The following ME2 variants were observed in gnomAD, a reference collection of about 807,000 sequenced individuals.
ME2 encodes the protein malic enzyme 2, also known as NAD-dependent malic enzyme, mitochondrial.
In ME2, 60 loss-of-function variants were observed where a neutral mutation model predicts 73.7. That is an observed-to-expected ratio of 0.81 (90% confidence interval 0.66 to 1.01). ME2 has a LOEUF of 1.01. Among genes scored for constraint, ME2 ranks in the 50% least tolerant of loss-of-function variants. The pLI, the probability that ME2 is intolerant of heterozygous loss-of-function variation, is 0.00. For missense variants in ME2, 594 were observed against 705.5 expected, an observed-to-expected ratio of 0.84 and a Z score of 1.79; for synonymous variants, 199 against 236.9, an observed-to-expected ratio of 0.84 and a Z score of 1.47.
chr18:50,908,427 G>A (rs1402318622), intron 3 of ME2, among the ~76,000 whole-genome samples: 3 of 152,118 alleles, frequency 2.0e-5, no homozygotes, highest in Non-Finnish European at 4.4e-5. Context: ...AGCAATTCAG[G>A]TTTGAATGGA....
intron 6 of ME2, 132 bp downstream of exon 6, chr18:50,917,640 TTTAATATTTATATAAATAATAGTAAA>T: frequency 2.0e-6 from 1 of 506,072 alleles, no homozygotes; most frequent in African/African-American, 2.0e-5. Context: ...AAACTCCACT[TTTAATATTTATATAAATAATAGTAAA>T]TTAAGTCTAT....
At chr18:50,922,938 GTCT>G (rs757313141) in intron 10 of ME2, among the ~76,000 whole-genome samples, 6 of 152,172 alleles carry the variant, frequency 3.9e-5, no homozygotes, top group Non-Finnish European at 8.8e-5. Context: ...TTTTTCAGAA[GTCT>G]TCTTTTTTAC....
intron 1 of ME2, among the ~76,000 whole-genome samples, chr18:50,885,574 T>G (rs2144179456): frequency 6.6e-6 from 1 of 152,006 alleles, no homozygotes; most frequent in South Asian, 2.1e-4. Context: ...ATTTAAATGG[T>G]TTTTTTTCAT....
chr18:50,922,329 G>A (rs1011750669), intron 10 of ME2, among the ~76,000 whole-genome samples: 2 of 152,288 alleles, frequency 1.3e-5, no homozygotes, highest in East Asian at 1.9e-4. Context: ...TTAAAAGGTC[G>A]AGGGAGTTTT....
At chr18:50,938,986 A>T (rs904767275) in intron 13 of ME2, 1 of 152,152 alleles carries the variant, frequency 6.6e-6, no homozygotes, top group Non-Finnish European at 1.5e-5. Context: ...TTGAATATTG[A>T]TTGAACCACA....
chr18:50,937,076 A>T (rs1424753231), intron 13 of ME2, among the ~76,000 whole-genome samples: 1 of 152,226 alleles, frequency 6.6e-6, no homozygotes, highest in African/African-American at 2.4e-5. Flanking sequence ...AAAGCAAGAA[A>T]AAAGAGGAAA....
intron 1 of ME2, among the ~76,000 whole-genome samples, chr18:50,883,631 G>A (rs1916380384): frequency 6.6e-6 from 1 of 152,188 alleles, no homozygotes; most frequent in Non-Finnish European, 1.5e-5. Context: ...GGGAGGCCGA[G>A]GCGGGCGGAT....
intron 2 of ME2, among the ~76,000 whole-genome samples, chr18:50,898,643 T>C (rs1276820182): frequency 6.6e-6 from 1 of 152,128 alleles, no homozygotes; most frequent in African/African-American, 2.4e-5. Flanking sequence ...ATGTTGTCTA[T>C]GCTGGTTTTG....
chr18:50,920,429 A>G, intron 7 of ME2, 27 bp from the exon 8 acceptor site: 1 of 1,437,658 alleles, frequency 7.0e-7, no homozygotes, highest in Non-Finnish European at 9.6e-7. Context: ...TTTTCAACAC[A>G]ACTATTGTGG....
At chr18:50,931,902 C>G (rs1413302207) in intron 12 of ME2, among the ~76,000 whole-genome samples, 3 of 152,196 alleles carry the variant, frequency 2.0e-5, no homozygotes, top group East Asian at 3.9e-4. Context: ...CAGGCCATCT[C>G]AAACTCCTGG....
At chr18:50,890,973 GATAAA>G in intron 1 of ME2, among the ~76,000 whole-genome samples, 1 of 152,298 alleles carries the variant, frequency 6.6e-6, no homozygotes, top group East Asian at 1.9e-4. Context: ...AGGTACTGAA[GATAAA>G]CGTATGTACC....
At chr18:50,897,444 G>A (rs1050806038) in intron 2 of ME2, among the ~76,000 whole-genome samples, 20 of 152,104 alleles carry the variant, frequency 1.3e-4, no homozygotes, top group African/African-American at 4.6e-4. Flanking sequence ...AAATAATGTC[G>A]GCCAGGCACA....
intron 1 of ME2, among the ~76,000 whole-genome samples, chr18:50,880,122 G>A (rs1916277746): frequency 6.6e-6 from 1 of 152,190 alleles, no homozygotes; most frequent in African/African-American, 2.4e-5. Context: ...TAGTGTTGCA[G>A]TTGATAACGA....
At chr18:50,946,900 C>T (rs2144278480) in intron 15 of ME2, 117 bp from the exon 16 acceptor site, 2 of 751,606 alleles carry the variant, frequency 2.7e-6, no homozygotes, top group East Asian at 2.6e-5. Context: ...TTATTTTTTA[C>T]TGTGAAAAAA....
At chr18:50,887,775 C>A (rs959625729) in intron 1 of ME2, among the ~76,000 whole-genome samples, 1 of 152,118 alleles carries the variant, frequency 6.6e-6, no homozygotes, top group Admixed American at 6.5e-5. Context: ...GTGTATGGGA[C>A]CACCATCAAA....
chr18:50,900,264 G>A (rs1311002107), intron 2 of ME2, among the ~76,000 whole-genome samples: 3 of 141,512 alleles, frequency 2.1e-5, no homozygotes, highest in Non-Finnish European at 4.5e-5. Context: ...AAAAAAGTAA[G>A]AATAATTTTA....
rs976214792 is a variant in ME2 at position 50,948,986 on chromosome 18, C to G, written c.*1802C>G. The G allele has an allele frequency of 1.3e-5, 2 of 151,558 alleles. No individual in the cohort carries two copies. Among genetic ancestry groups the G allele is most frequent in the Non-Finnish European group, 2.9e-5 (2 of 68,050 alleles). 9.4% of individuals were successfully genotyped at this position (151,558 alleles called of 1,614,324 possible). A position where few individuals can be genotyped will look rare whatever the true frequency, so the allele number is the denominator to read the frequency against. ...TCCCAAGTAGCTGGGATTACAGGCACCGGCCACCACACCCAGCTAATTTTT... is the reference window on the plus strand; with the variant it reads ...TCCCAAGTAGCTGGGATTACAGGCAGCGGCCACCACACCCAGCTAATTTTT... On this transcript the variant is annotated 3_prime_UTR_variant, in exon 16 of 16. Coordinates refer to ENST00000321341, the MANE Select transcript of ME2 (RefSeq NM_002396.5).
At position 50,947,162 on chromosome 18, in the gene ME2, G is replaced by T; in HGVS notation, c.1733G>T (p.Ser578Ile). The T allele has an allele frequency of 6.2e-7, 1 of 1,613,238 alleles. No homozygotes were observed. The highest frequency in any genetic ancestry group is 1.1e-5 in the South Asian group (1 of 91,022). ...TATGAATGGCCAGAATCTGCATCAA[G>T]CCCTCCTGTGATAACAGAATAGAAG... Reference protein sequence around the residue: ...DVYEWPESASSPPVITE With the variant: ...DVYEWPESASIPPVITE Residue 578 changes from serine to isoleucine, a missense_variant, in exon 16 of 16, where the codon AGC becomes ATC. Transcript: ENST00000321341.
In ME2 at chr18:50,908,142, T is replaced by C; in HGVS notation, c.188T>C (p.Ile63Thr). ...LLPPKIETQDIQALRFHRNLK... is the reference protein window; with the variant it reads ...LLPPKIETQDTQALRFHRNLK... ...CCTCCCAAAATAGAGACACAAGATATTCAAGCCTTACGATTTCATAGAAAC... is the reference window on the plus strand; with the variant it reads ...CCTCCCAAAATAGAGACACAAGATACTCAAGCCTTACGATTTCATAGAAAC... Residue 63 changes from isoleucine (I) to threonine (T), a missense_variant, in exon 3 of 16, where the codon ATT becomes ACT. Physicochemically the swap from Ile to Thr is moderately conservative, Grantham distance 89. Coordinates refer to ENST00000321341, the MANE Select transcript of ME2 (RefSeq NM_002396.5). The C allele has an allele frequency of 6.2e-7, 1 of 1,607,490 alleles. No homozygotes were observed. The highest frequency in any genetic ancestry group is 2.2e-5 in the East Asian group (1 of 44,632).
Sources: allele counts gnomAD v4.1 joint callset (sites outside exome capture counted in the v4.1 genomes callset), GRCh38; gene constraint gnomAD v4.1.1; transcripts MANE v1.5; gene names NCBI Gene and HGNC (gene_info 2026-07-23, HGNC 2026-07-21).